OLFM3: variants seen among roughly 807,000 people sequenced by gnomAD.
OLFM3 encodes noelin-3.
OLFM3 carries 20 observed loss-of-function variants against 48.6 expected under a neutral mutation model. That is an observed-to-expected ratio of 0.41 (90% CI 0.29 to 0.60). The LOEUF (loss-of-function observed/expected upper bound fraction) is 0.60, where lower values mean the gene tolerates loss of function less well. Among genes scored for constraint, OLFM3 ranks in the 20% least tolerant of loss-of-function variants. OLFM3 has a pLI of 0.28. For missense variants in OLFM3, 437 were observed against 544.3 expected, an observed-to-expected ratio of 0.80 and a Z score of 1.96; for synonymous variants, 222 against 198.1, an observed-to-expected ratio of 1.12 and a Z score of -1.01.
chr1:101,966,317 T>TTGTG (rs60173488), intron 1 of OLFM3, among the ~76,000 whole-genome samples: 23,182 of 127,846 alleles, frequency 0.18, 2,500 homozygotes, highest in Middle Eastern at 0.26. Context: ...CCTGGCTAAT[T>TTGTG]TGTGTGTGTG....
chr1:101,807,804 A>T (rs1453517533), intron 4 of OLFM3, among the ~76,000 whole-genome samples: 1 of 151,778 alleles, frequency 6.6e-6, no homozygotes, highest in South Asian at 2.1e-4. Context: ...GTAAAACTGG[A>T]CCAATAATTC....
chr1:101,857,409 C>G (rs1279627793), intron 1 of OLFM3, among the ~76,000 whole-genome samples: 1 of 151,832 alleles, frequency 6.6e-6, no homozygotes, highest in African/African-American at 2.4e-5. Context: ...TAAATTTACA[C>G]ATAATGAGTC....
At chr1:101,974,012 T>TA (rs1208121877) in intron 1 of OLFM3, among the ~76,000 whole-genome samples, 1 of 151,980 alleles carries the variant, frequency 6.6e-6, no homozygotes, top group Non-Finnish European at 1.5e-5. Flanking sequence ...CATTTGCCTT[T>TA]TTTTTTTAAT....
intron 1 of OLFM3, among the ~76,000 whole-genome samples, chr1:101,975,953 C>G (rs1295435359): frequency 1.3e-5 from 2 of 152,026 alleles, no homozygotes; most frequent in African/African-American, 4.8e-5. Context: ...AAAAAAACAG[C>G]CAACTTTTAA....
intron 1 of OLFM3, among the ~76,000 whole-genome samples, chr1:101,955,688 T>G (rs543390060): frequency 6.6e-6 from 1 of 152,072 alleles, no homozygotes; most frequent in South Asian, 2.1e-4. Context: ...GGTTCCTTAT[T>G]TTCACTTCTA....
At chr1:101,830,606 C>A in intron 3 of OLFM3, 66 bp downstream of exon 3, 1 of 1,533,066 alleles carries the variant, frequency 6.5e-7, no homozygotes, top group Middle Eastern at 1.7e-4. Flanking sequence ...TAGCTGAGTG[C>A]CCCACTGCTG....
At chr1:101,987,584 T>C (rs1451614481) in intron 1 of OLFM3, among the ~76,000 whole-genome samples, 1 of 152,152 alleles carries the variant, frequency 6.6e-6, no homozygotes, top group African/African-American at 2.4e-5. Context: ...TAAATGTAGA[T>C]CACTCCCAGA....
At chr1:101,938,075 A>T (rs1230061251) in intron 1 of OLFM3, among the ~76,000 whole-genome samples, 2 of 152,330 alleles carry the variant, frequency 1.3e-5, no homozygotes, top group East Asian at 3.8e-4. Context: ...GAGATATAGC[A>T]AATTTAACGT....
At chr1:101,898,757 G>A (rs1263398143) in intron 1 of OLFM3, among the ~76,000 whole-genome samples, 1 of 152,100 alleles carries the variant, frequency 6.6e-6, no homozygotes, top group Non-Finnish European at 1.5e-5. Flanking sequence ...GCTGAGGCAT[G>A]AGAATCACTT....
chr1:101,855,259 C>G (rs962901), intron 1 of OLFM3, among the ~76,000 whole-genome samples: 10,178 of 151,968 alleles, frequency 0.067, 879 homozygotes, highest in East Asian at 0.33. Flanking sequence ...TCGTTTAATC[C>G]TCAGACAAAC....
At position 101,996,729 on chromosome 1, in the gene OLFM3, C is replaced by A; in HGVS notation, c.69+19G>T. Reference sequence around the variant, plus strand: ...TATTGCACATTTATTTCAAACAAGACTCAAAATATTGTTCATACCTTGGAA... The same window carrying A: ...TATTGCACATTTATTTCAAACAAGAATCAAAATATTGTTCATACCTTGGAA... On this transcript the variant is annotated intron_variant, in intron 1 of 5. Coordinates refer to ENST00000370103, the MANE Select transcript of OLFM3 (RefSeq NM_058170.4). The A allele has an allele frequency of 6.2e-7, 1 of 1,613,036 alleles. No individual in the cohort carries two copies. Among genetic ancestry groups the A allele is most frequent in the Non-Finnish European group, 8.5e-7 (1 of 1,179,010 alleles).
intron 1 of OLFM3, among the ~76,000 whole-genome samples, chr1:101,839,111 G>A (rs1277432785): frequency 6.6e-6 from 1 of 152,068 alleles, no homozygotes; most frequent in Non-Finnish European, 1.5e-5. Flanking sequence ...TAAAGGAAAT[G>A]GTACCAGACA....
intron 1 of OLFM3, among the ~76,000 whole-genome samples, chr1:101,950,202 G>A (rs1457553611): frequency 6.6e-6 from 1 of 152,034 alleles, no homozygotes; most frequent in African/African-American, 2.4e-5. Flanking sequence ...TCTCTTTGGT[G>A]TTCCTTGAAC....
chr1:101,996,416 C>A (rs979328499), intron 1 of OLFM3, among the ~76,000 whole-genome samples: 1 of 152,194 alleles, frequency 6.6e-6, no homozygotes, highest in African/African-American at 2.4e-5. Flanking sequence ...CTACTGCAAA[C>A]TCCTTTGCAT....
chr1:101,813,381 T>C (rs1167083654), intron 4 of OLFM3, among the ~76,000 whole-genome samples: 1 of 152,182 alleles, frequency 6.6e-6, no homozygotes, highest in Admixed American at 6.6e-5. Context: ...AACATACTCA[T>C]AAGCTGTCAA....
chr1:101,851,132 C>T (rs1007132004), intron 1 of OLFM3, among the ~76,000 whole-genome samples: 5 of 152,068 alleles, frequency 3.3e-5, no homozygotes, highest in Non-Finnish European at 5.9e-5. Flanking sequence ...ATGCTGGATA[C>T]CCTGGATGGG....
chr1:101,959,051 C>CT (rs1660387409), intron 1 of OLFM3, among the ~76,000 whole-genome samples: 1 of 151,612 alleles, frequency 6.6e-6, no homozygotes, highest in Admixed American at 6.6e-5. Context: ...CCATTCCCCG[C>CT]TTCCCACCCC....
At chr1:101,825,359 T>G (rs997546206) in intron 3 of OLFM3, 114 bp from the exon 4 acceptor site, 4 of 860,836 alleles carry the variant, frequency 4.6e-6, no homozygotes, top group African/African-American at 3.4e-5. Context: ...CATTTCTTAT[T>G]GATTTTTGGT....
At chr1:101,866,271 TC>T (rs1277082537) in intron 1 of OLFM3, among the ~76,000 whole-genome samples, 5 of 152,170 alleles carry the variant, frequency 3.3e-5, no homozygotes, top group African/African-American at 1.2e-4. Context: ...TTTAGTTGAA[TC>T]ATTTTGAATA....
Sources: gnomAD v4.1 joint callset for allele counts (sites outside exome capture counted in the v4.1 genomes callset) on GRCh38, gnomAD v4.1.1 for gene constraint, MANE v1.5 for transcripts, NCBI Gene and HGNC (gene_info 2026-07-23, HGNC 2026-07-21) for gene names.